NKAIN3: variants seen among roughly 807,000 people sequenced by gnomAD.
NKAIN3 encodes sodium/potassium-transporting ATPase subunit beta-1-interacting protein 3.
A neutral mutation model predicts 30.2 loss-of-function variants in NKAIN3; 25 were observed. The observed-to-expected ratio is 0.83, with a 90% CI of 0.60 to 1.16. NKAIN3 has a LOEUF of 1.16. Ranked by LOEUF, NKAIN3 falls within the 50% of genes most tolerant of loss-of-function variation. The pLI is 0.00. For missense variants in NKAIN3, 225 were observed against 254.1 expected (o/e 0.89, Z 0.78); for synonymous variants, 91 against 89.6 (o/e 1.02, Z -0.09).
intron 1 of NKAIN3, among the ~76,000 whole-genome samples, chr8:62,563,312 C>T (rs1056592812): frequency 2.6e-5 from 4 of 152,064 alleles, no homozygotes; most frequent in Non-Finnish European, 4.4e-5. Flanking sequence ...ATGATGAAGT[C>T]GCACTCTTTG....
At chr8:62,805,814 A>G (rs575606425) in intron 4 of NKAIN3, among the ~76,000 whole-genome samples, 1 of 152,316 alleles carries the variant, frequency 6.6e-6, no homozygotes, top group East Asian at 1.9e-4. Context: ...GATCTAATTA[A>G]ACTAAAGAGC....
chr8:62,808,926 C>A (rs769559604), intron 4 of NKAIN3, among the ~76,000 whole-genome samples: 1 of 152,086 alleles, frequency 6.6e-6, no homozygotes, highest in Non-Finnish European at 1.5e-5. Flanking sequence ...GGGAGCGCTA[C>A]GGGAGACCAG....
intron 4 of NKAIN3, among the ~76,000 whole-genome samples, chr8:62,878,034 C>A (rs554469384): frequency 2.0e-5 from 2 of 99,924 alleles, no homozygotes; most frequent in African/African-American, 9.3e-5. Context: ...GAATGAAACT[C>A]CATCTCAAAA....
At chr8:62,389,652 A>G (rs1030607389) in intron 1 of NKAIN3, among the ~76,000 whole-genome samples, 3 of 152,204 alleles carry the variant, frequency 2.0e-5, no homozygotes, top group Non-Finnish European at 4.4e-5. Context: ...TATGTTGCCT[A>G]TCTGGGTATA....
chr8:62,992,596 A>C (rs549444602), intron 5 of NKAIN3, among the ~76,000 whole-genome samples: 45 of 151,314 alleles, frequency 3.0e-4, no homozygotes, highest in Middle Eastern at 6.9e-3. Context: ...CACCCATCCC[A>C]CCCTTTCAAC....
chr8:62,943,503 T>C (rs761930396), intron 5 of NKAIN3, among the ~76,000 whole-genome samples: 18 of 151,876 alleles, frequency 1.2e-4, no homozygotes, highest in Non-Finnish European at 1.9e-4. Flanking sequence ...GAAGCAAAAA[T>C]AGATCTGCCA....
At chr8:62,329,023 T>G (rs1815245265) in intron 1 of NKAIN3, among the ~76,000 whole-genome samples, 1 of 152,082 alleles carries the variant, frequency 6.6e-6, no homozygotes, top group African/African-American at 2.4e-5. Flanking sequence ...GGGGAATCCA[T>G]GTCATCAGCA....
intron 3 of NKAIN3, among the ~76,000 whole-genome samples, chr8:62,621,307 T>C (rs1811612692): frequency 6.6e-6 from 1 of 152,120 alleles, no homozygotes. Context: ...GAATGGATGA[T>C]CATGACCTCT....
At chr8:62,636,072 G>A (rs1165544414) in intron 3 of NKAIN3, among the ~76,000 whole-genome samples, 3 of 152,180 alleles carry the variant, frequency 2.0e-5, no homozygotes, top group African/African-American at 7.2e-5. Context: ...CAAAGTGATG[G>A]TAGCTGAAGA....
At chr8:62,930,898 G>C (rs537146567) in intron 5 of NKAIN3, among the ~76,000 whole-genome samples, 1 of 151,996 alleles carries the variant, frequency 6.6e-6, no homozygotes, top group East Asian at 2.0e-4. Flanking sequence ...TAGTAGAGAT[G>C]GGGTTTCACC....
intron 1 of NKAIN3, among the ~76,000 whole-genome samples, chr8:62,286,715 G>A (rs1210346747): frequency 6.6e-6 from 1 of 152,044 alleles, no homozygotes; most frequent in Non-Finnish European, 1.5e-5. Flanking sequence ...AGAGGCAAAG[G>A]TGACCTTCAG....
chr8:62,475,509 T>G (rs1004605757), intron 1 of NKAIN3, among the ~76,000 whole-genome samples: 15 of 152,192 alleles, frequency 9.9e-5, no homozygotes, highest in African/African-American at 3.1e-4. Context: ...TTAAAGAGTA[T>G]GATTCAGTGA....
chr8:62,855,798 A>G, intron 4 of NKAIN3: 2 of 1,007,820 alleles, frequency 2.0e-6, no homozygotes, highest in Admixed American at 3.5e-5. Context: ...ATCAGCAAAG[A>G]GTAAAAAGAC....
chr8:62,638,331 G>A (rs543760428), intron 3 of NKAIN3, among the ~76,000 whole-genome samples: 3 of 152,030 alleles, frequency 2.0e-5, no homozygotes, highest in Admixed American at 1.3e-4. Flanking sequence ...CTCATGGCAG[G>A]GTTTCCTAAT....
chr8:62,264,980 G>A (rs1428605543), intron 1 of NKAIN3, among the ~76,000 whole-genome samples: 2 of 152,132 alleles, frequency 1.3e-5, no homozygotes, highest in Non-Finnish European at 2.9e-5. Context: ...TGAGAAAGGA[G>A]CCATGTGATA....
intron 4 of NKAIN3, among the ~76,000 whole-genome samples, chr8:62,893,503 A>T (rs1821348506): frequency 6.6e-6 from 1 of 152,242 alleles, no homozygotes; most frequent in African/African-American, 2.4e-5. Context: ...ACCAAATGAA[A>T]TATATCTATA....
intron 1 of NKAIN3, among the ~76,000 whole-genome samples, chr8:62,521,480 A>C (rs1490787479): frequency 1.3e-5 from 2 of 152,126 alleles, no homozygotes; most frequent in Non-Finnish European, 2.9e-5. Flanking sequence ...AGTAAATCCC[A>C]TGTGTATTTC....
intron 4 of NKAIN3, among the ~76,000 whole-genome samples, chr8:62,887,865 G>C (rs183240442): frequency 6.6e-6 from 1 of 152,056 alleles, no homozygotes; most frequent in African/African-American, 2.4e-5. Context: ...CAACATTCAT[G>C]CCATTTCTGA....
intron 4 of NKAIN3, among the ~76,000 whole-genome samples, chr8:62,876,808 T>C (rs979507518): frequency 6.6e-6 from 1 of 151,776 alleles, no homozygotes; most frequent in African/African-American, 2.4e-5. Flanking sequence ...CCAGGGCCTA[T>C]TGAGGGGTGG....
Sources: allele counts gnomAD v4.1 joint callset (sites outside exome capture counted in the v4.1 genomes callset), GRCh38; gene constraint gnomAD v4.1.1; transcripts MANE v1.5; gene names NCBI Gene and HGNC (gene_info 2026-07-23, HGNC 2026-07-21).